The following MAPKAPK5 variants were observed in gnomAD, a reference collection of about 807,000 sequenced individuals.
MAPKAPK5 encodes the protein MAPK activated protein kinase 5, also known as MAP kinase-activated protein kinase 5.
A neutral mutation model predicts 65.1 loss-of-function variants in MAPKAPK5; 30 were observed. That is an observed-to-expected ratio of 0.46 (90% CI 0.34 to 0.63). The LOEUF is 0.63. Ranked by LOEUF, MAPKAPK5 falls within the 20% of genes least tolerant of loss-of-function variation. The probability of loss-of-function intolerance (pLI) is 0.01; values close to 1 mark genes in which losing one functional copy is unlikely to be tolerated. For missense variants in MAPKAPK5, 433 were observed against 581.4 expected (o/e 0.74, Z 2.63); for synonymous variants, 179 against 204.6 (o/e 0.87, Z 1.07).
intron 1 of MAPKAPK5, among the ~76,000 whole-genome samples, chr12:111,851,256 G>A (rs1424706591): frequency 6.6e-6 from 1 of 152,102 alleles, no homozygotes; most frequent in Non-Finnish European, 1.5e-5. Context: ...AATCCCATGA[G>A]TTCAACACTA....
At chr12:111,866,084 G>A in intron 2 of MAPKAPK5, 72 bp from the exon 3 acceptor site, 1 of 1,250,794 alleles carries the variant, frequency 8.0e-7, no homozygotes, top group Middle Eastern at 2.3e-4. Flanking sequence ...AAATCTCAAA[G>A]AAAAAGCTTG....
At chr12:111,858,933 C>A (rs1424771378) in intron 1 of MAPKAPK5, among the ~76,000 whole-genome samples, 1 of 147,604 alleles carries the variant, frequency 6.8e-6, no homozygotes, top group Non-Finnish European at 1.5e-5. Context: ...TTCTGTTTCT[C>A]GGCTGAAAAT....
chr12:111,842,637 A>G lies in MAPKAPK5; in HGVS notation c.-97A>G. On this transcript the variant is annotated 5_prime_UTR_variant, in exon 1 of 14. Coordinates refer to ENST00000550735, the MANE Select transcript of MAPKAPK5 (RefSeq NM_003668.4). ...GCTGCTGCCCGTCGCCACGAGGCCC[A>G]GGGGCCCGAGTGCCGAGCCCTTTGC... is the stretch of plus-strand genomic sequence containing the variant. 3 of 883,528 alleles carry G rather than the reference A, an allele frequency of 3.4e-6. No homozygotes were observed. Among genetic ancestry groups the G allele is most frequent in the Non-Finnish European group, 4.6e-6 (3 of 652,640 alleles). 54.7% of individuals were successfully genotyped at this position (883,528 alleles called of 1,614,324 possible).
At chr12:111,886,546 T>G (rs1442526663) in intron 10 of MAPKAPK5, among the ~76,000 whole-genome samples, 2 of 152,264 alleles carry the variant, frequency 1.3e-5, no homozygotes, top group Non-Finnish European at 2.9e-5. Flanking sequence ...GAGTTCTTTC[T>G]CATGTTCGGA....
chr12:111,878,320 T>C (rs954045707), intron 7 of MAPKAPK5, among the ~76,000 whole-genome samples: 19 of 152,126 alleles, frequency 1.2e-4, no homozygotes, highest in African/African-American at 4.3e-4. Context: ...AGTCAATTTT[T>C]ATATAATGCA....
intron 1 of MAPKAPK5, among the ~76,000 whole-genome samples, chr12:111,854,433 G>T (rs545883979): frequency 7.9e-5 from 12 of 152,104 alleles, no homozygotes; most frequent in Non-Finnish European, 2.9e-5. Context: ...GTGGAGATGG[G>T]GTTTCACCAT....
rs1248348675 is a variant in MAPKAPK5, at chr12:111,893,477, C to T, written c.*416C>T. 1.3e-5 allele frequency: 2 copies of T among 152,646 alleles called. No individual in the cohort carries two copies. Among genetic ancestry groups the T allele is most frequent in the African/African-American group, 4.8e-5 (2 of 41,460 alleles). The allele number at this position is 152,646 out of a possible 1,614,324, so 9.5% of individuals were successfully genotyped here. On this transcript the variant is annotated 3_prime_UTR_variant, in exon 14 of 14. Coordinates refer to ENST00000550735, the MANE Select transcript of MAPKAPK5 (RefSeq NM_003668.4). ...ATTTTCCACACCATTGCTAGATTAG[C>T]TCTACTGCCAAGACATTTTTGTGGC...
In MAPKAPK5 at chr12:111,900,349, C is replaced by A. The variant is rs2070989127; in HGVS notation, c.*7288C>A. 2.2e-6 allele frequency: 1 copy of A among 455,974 alleles called. No homozygotes were observed. The highest frequency in any genetic ancestry group is 2.0e-5 in the African/African-American group (1 of 50,080). 28.2% of individuals were successfully genotyped at this position (455,974 alleles called of 1,614,324 possible). ...CATGAAGATGTGCTGTTGTTTGCAG[C>A]CCTGATGGCCCATGAGCTCGGGCAC... On this transcript the variant is annotated 3_prime_UTR_variant, in exon 14 of 14. Transcript: ENST00000550735.
intron 4 of MAPKAPK5, among the ~76,000 whole-genome samples, chr12:111,868,327 G>C (rs1366805140): frequency 6.6e-6 from 1 of 152,220 alleles, no homozygotes; most frequent in African/African-American, 2.4e-5. Context: ...GCTTACAAAG[G>C]AGAGGAGCTG....
intron 1 of MAPKAPK5, among the ~76,000 whole-genome samples, chr12:111,845,362 G>A (rs2068874440): frequency 6.6e-6 from 1 of 151,956 alleles, no homozygotes; most frequent in South Asian, 2.1e-4. Flanking sequence ...CACCATGTTG[G>A]CCAGGCTGGT....
At chr12:111,859,020 T>C (rs1320883629) in intron 1 of MAPKAPK5, among the ~76,000 whole-genome samples, 2 of 147,812 alleles carry the variant, frequency 1.4e-5, no homozygotes, top group African/African-American at 5.0e-5. Flanking sequence ...TGCTTTTAAG[T>C]GCAACTACTT....
chr12:111,855,158 G>C (rs4767074), intron 1 of MAPKAPK5, among the ~76,000 whole-genome samples: 40,682 of 151,806 alleles, frequency 0.27, 7,102 homozygotes, highest in East Asian at 0.85. Flanking sequence ...TTTGTGTCCT[G>C]CCCTTTTTGT....
chr12:111,882,956 C>G (rs1593176500), intron 8 of MAPKAPK5: 2 of 493,746 alleles, frequency 4.1e-6, no homozygotes, highest in Non-Finnish European at 5.3e-6. Context: ...CATCCTATAC[C>G]TGTACACAGG....
chr12:111,873,838 C>T (rs889119498), intron 7 of MAPKAPK5, among the ~76,000 whole-genome samples: 4 of 152,112 alleles, frequency 2.6e-5, no homozygotes, highest in Non-Finnish European at 5.9e-5. Context: ...CATTTCTCTA[C>T]ATTTTAGAAT....
intron 7 of MAPKAPK5, chr12:111,880,050 C>A: frequency 4.2e-6 from 1 of 237,960 alleles, no homozygotes. Flanking sequence ...CTCCTTGGAG[C>A]ACTTAACACC....
intron 1 of MAPKAPK5, among the ~76,000 whole-genome samples, chr12:111,845,701 C>G (rs1209288580): frequency 6.6e-6 from 1 of 152,120 alleles, no homozygotes; most frequent in African/African-American, 2.4e-5. Flanking sequence ...GCGGGCGGAT[C>G]ACCTGAGGTC....
intron 5 of MAPKAPK5, among the ~76,000 whole-genome samples, chr12:111,869,707 T>A (rs868670240): frequency 1.5e-4 from 23 of 152,322 alleles, no homozygotes; most frequent in South Asian, 4.1e-4. Context: ...TTTTCAAATA[T>A]TAGGATTAAA....
chr12:111,881,964 G>A (rs1283077028), intron 8 of MAPKAPK5, among the ~76,000 whole-genome samples: 1 of 152,184 alleles, frequency 6.6e-6, no homozygotes, highest in African/African-American at 2.4e-5. Flanking sequence ...GATCTCTGCA[G>A]TATTAGTTCC....
In MAPKAPK5 at chr12:111,866,194, T is replaced by G; in HGVS notation, c.149T>G (p.Leu50Arg). ...VKKSTQERFA[L>R]KILLDRPKAR... The stretch of plus-strand genomic sequence containing the variant: ...AAATCTACTCAAGAACGGTTTGCGC[T>G]GAAAATTCTTCTTGATCGTCCAAAA... Residue 50 changes from leucine (L) to arginine (R), a missense_variant, in exon 3 of 14, where the codon CTG becomes CGG. This residue lies in a region of MAPKAPK5 where 165 missense variants were observed against 180.0 expected (regional missense o/e 0.92). Coordinates refer to ENST00000550735, the MANE Select transcript of MAPKAPK5 (RefSeq NM_003668.4). The G allele has an allele frequency of 6.2e-7, 1 of 1,612,524 alleles. No individual in the cohort carries two copies. Among genetic ancestry groups the G allele is most frequent in the Non-Finnish European group, 8.5e-7 (1 of 1,179,270 alleles).
Sources: allele counts gnomAD v4.1 joint callset (sites outside exome capture counted in the v4.1 genomes callset), GRCh38; gene constraint gnomAD v4.1.1; regional missense constraint gnomAD v4.1.1; transcripts MANE v1.5; gene names NCBI Gene and HGNC (gene_info 2026-07-23, HGNC 2026-07-21).